The following GRHL2 variants were observed in gnomAD, a reference collection of about 807,000 sequenced individuals.
GRHL2 encodes grainyhead-like protein 2 homolog.
In GRHL2, 21 loss-of-function variants were observed where a neutral mutation model predicts 83.8. The ratio of observed to expected loss-of-function variants is 0.25; its 90% confidence interval spans 0.18 to 0.36. The LOEUF (loss-of-function observed/expected upper bound fraction) is 0.36. GRHL2 is among the 10% of genes least tolerant of loss of function. The probability of loss-of-function intolerance (pLI) is 1.00; values close to 1 mark genes in which losing one functional copy is unlikely to be tolerated. For missense variants in GRHL2, 623 were observed against 781.8 expected (o/e 0.80, Z 2.42); for synonymous variants, 280 against 278.9 (o/e 1.00, Z -0.04).
chr8:101,636,077 C>G (rs779696919), intron 11 of GRHL2, among the ~76,000 whole-genome samples: 54 of 152,182 alleles, frequency 3.5e-4, no homozygotes, highest in Non-Finnish European at 7.2e-4. Context: ...GGCAACAGTC[C>G]TGACACACAC....
intron 4 of GRHL2, among the ~76,000 whole-genome samples, chr8:101,565,023 A>G (rs951825400): frequency 6.6e-6 from 1 of 152,182 alleles, no homozygotes; most frequent in African/African-American, 2.4e-5. Flanking sequence ...GTGAAGGGAA[A>G]TAATGCTAGA....
intron 14 of GRHL2, among the ~76,000 whole-genome samples, chr8:101,661,792 A>G (rs1236810073): frequency 1.3e-5 from 2 of 152,078 alleles, no homozygotes; most frequent in African/African-American, 4.8e-5. Flanking sequence ...GGAGTGAAAT[A>G]CTTTTTTCCT....
chr8:101,637,536 T>G (rs1313628234), intron 12 of GRHL2, among the ~76,000 whole-genome samples: 4 of 152,232 alleles, frequency 2.6e-5, no homozygotes, highest in Non-Finnish European at 5.9e-5. Context: ...CAGCCAGATC[T>G]TCAAAGTGCT....
At chr8:101,597,491 T>TA (rs1475604057) in intron 7 of GRHL2, among the ~76,000 whole-genome samples, 4 of 152,152 alleles carry the variant, frequency 2.6e-5, no homozygotes, top group Non-Finnish European at 4.4e-5. Flanking sequence ...CATGGAATAC[T>TA]ATGCAGCCAT....
intron 1 of GRHL2, among the ~76,000 whole-genome samples, chr8:101,536,570 A>G (rs1586072080): frequency 6.6e-6 from 1 of 152,232 alleles, no homozygotes; most frequent in Non-Finnish European, 1.5e-5. Flanking sequence ...TAAGTAATCC[A>G]GGGTAACACA....
At chr8:101,673,914 C>A (rs184920292), downstream of GRHL2, among the ~76,000 whole-genome samples, 8 of 152,092 alleles carry the variant, frequency 5.3e-5, no homozygotes, top group East Asian at 1.4e-3. Context: ...CATTCAAAAC[C>A]GCTTGACTAC....
intron 12 of GRHL2, 50 bp downstream of exon 12, chr8:101,636,978 G>C: frequency 6.5e-7 from 1 of 1,533,872 alleles, no homozygotes; most frequent in Non-Finnish European, 9.0e-7. Context: ...GCTCATGTCA[G>C]TGGTAATGGC....
chr8:101,652,715 A>G (rs1813699032), intron 14 of GRHL2, among the ~76,000 whole-genome samples: 1 of 151,814 alleles, frequency 6.6e-6, no homozygotes, highest in African/African-American at 2.4e-5. Flanking sequence ...GCCTCTTGCT[A>G]GCTGGACAAG....
chr8:101,504,975 GA>G (rs34007500), intron 1 of GRHL2, among the ~76,000 whole-genome samples: 139 of 113,018 alleles, frequency 1.2e-3, no homozygotes, highest in South Asian at 4.8e-3. Flanking sequence ...ATTGCATTAG[GA>G]AAAAAAAAAA....
intron 9 of GRHL2, among the ~76,000 whole-genome samples, chr8:101,622,819 C>A (rs755985102): frequency 6.6e-6 from 1 of 152,176 alleles, no homozygotes; most frequent in Non-Finnish European, 1.5e-5. Flanking sequence ...TATTTGTAGT[C>A]TTTTATCCCT....
downstream of GRHL2, among the ~76,000 whole-genome samples, chr8:101,674,384 T>G (rs1318119202): frequency 1.3e-5 from 2 of 152,064 alleles, no homozygotes; most frequent in Admixed American, 1.3e-4. Flanking sequence ...ATGTCACCAC[T>G]GATCCCACAG....
Position 101,649,180 on chromosome 8 carries a change from C to T in GRHL2, c.1613-234C>T, listed in dbSNP as rs79614742. ...GGAACATTTGTGTCAAAGCATCCTA[C>T]GGCCGGGTTGTCGGTTTATCTCATC... On this transcript the variant is annotated intron_variant, in intron 13 of 15. Transcript: ENST00000646743. 0.018 allele frequency among the ~76,000 whole-genome samples: 2,677 copies of T among 152,332 alleles called. 64 individuals are homozygous for T. Among genetic ancestry groups the T allele is most frequent in the African/African-American group, 0.059 (2,471 of 41,564 alleles).
intron 14 of GRHL2, among the ~76,000 whole-genome samples, chr8:101,658,384 G>A (rs1382234354): frequency 1.3e-5 from 2 of 152,136 alleles, no homozygotes; most frequent in African/African-American, 4.8e-5. Context: ...AGGGATCCTG[G>A]GTGAGTTACT....
rs1813197317 is a variant in GRHL2 at position 101,632,110 on chromosome 8, C to CA, written c.1346-115dup. The CA allele has an allele frequency of 2.7e-6, 3 of 1,119,666 alleles. No homozygotes were observed. In the Admixed American group the frequency reaches 5.1e-5, roughly 19 times the overall value. 69.4% of individuals were successfully genotyped at this position (1,119,666 alleles called of 1,614,324 possible). A position where few individuals can be genotyped will look rare whatever the true frequency, so the allele number is the denominator to read the frequency against. ...GGTGGGAGGTGTTGAAGTGTGTTCA[C>CA]ATCTATGGTATTCAGAAAGCTTCAT... On this transcript the variant is annotated intron_variant, in intron 10 of 15. Coordinates refer to ENST00000646743, the MANE Select transcript of GRHL2 (RefSeq NM_024915.4).
intron 1 of GRHL2, among the ~76,000 whole-genome samples, chr8:101,521,048 A>C (rs891693051): frequency 1.3e-5 from 2 of 152,216 alleles, no homozygotes. Context: ...TTACTCATGC[A>C]ATACTTGTAT....
chr8:101,672,446 G>A (rs1486361269), downstream of GRHL2, among the ~76,000 whole-genome samples: 2 of 151,718 alleles, frequency 1.3e-5, no homozygotes, highest in Non-Finnish European at 2.9e-5. Context: ...CTGGAAGAAA[G>A]GGTATCAGCA....
intron 6 of GRHL2, among the ~76,000 whole-genome samples, chr8:101,576,896 A>G (rs1169286767): frequency 6.6e-6 from 1 of 152,198 alleles, no homozygotes; most frequent in Non-Finnish European, 1.5e-5. Flanking sequence ...ATGTTCACCA[A>G]TATGAATTTG....
intron 8 of GRHL2, among the ~76,000 whole-genome samples, chr8:101,619,035 C>T (rs1283061836): frequency 6.6e-6 from 1 of 152,058 alleles, no homozygotes; most frequent in Non-Finnish European, 1.5e-5. Context: ...AGGCGGATCA[C>T]GAGGTCAGGA....
chr8:101,624,070 C>T (rs763134156), intron 9 of GRHL2, among the ~76,000 whole-genome samples: 31 of 149,244 alleles, frequency 2.1e-4, no homozygotes, highest in Non-Finnish European at 3.8e-4. Flanking sequence ...GAACAGTTCA[C>T]AGTACACAGT....
Sources: allele counts gnomAD v4.1 joint callset (sites outside exome capture counted in the v4.1 genomes callset), GRCh38; gene constraint gnomAD v4.1.1; transcripts MANE v1.5; gene names NCBI Gene and HGNC (gene_info 2026-07-23, HGNC 2026-07-21).